PEX5L: variants seen among roughly 807,000 people sequenced by gnomAD.
PEX5L encodes peroxisomal biogenesis factor 5 like, also known as PEX5-related protein.
A neutral mutation model predicts 84.0 loss-of-function variants in PEX5L; 30 were observed. That is an observed-to-expected ratio of 0.36 (90% CI 0.27 to 0.48). The LOEUF is 0.48. Among genes scored for constraint, PEX5L ranks in the 20% least tolerant of loss-of-function variants. PEX5L has a pLI of 0.99. For synonymous variants in PEX5L, 270 were observed against 283.1 expected, an observed-to-expected ratio of 0.95 and a Z score of 0.46; for missense variants, 533 against 754.6, an observed-to-expected ratio of 0.71 and a Z score of 3.44.
intron 2 of PEX5L, among the ~76,000 whole-genome samples, chr3:179,903,661 T>C (rs1025010068): frequency 5.9e-5 from 9 of 152,212 alleles, no homozygotes; most frequent in Non-Finnish European, 1.0e-4. Flanking sequence ...TAATCTTCTT[T>C]CACTTGGCGA....
chr3:179,915,422 G>A (rs529014143), intron 2 of PEX5L, among the ~76,000 whole-genome samples: 4 of 152,126 alleles, frequency 2.6e-5, no homozygotes, highest in Non-Finnish European at 5.9e-5. Flanking sequence ...AACTTTAATC[G>A]AACATGCCTT....
chr3:179,802,550 A>AAAAAAAAAAAAAAAAAAAG (rs1553813985), intron 14 of PEX5L, among the ~76,000 whole-genome samples: 3 of 131,560 alleles, frequency 2.3e-5, no homozygotes, highest in African/African-American at 3.0e-5. Context: ...AAAAAAAAAA[A>AAAAAAAAAAAAAAAAAAAG]AAAAGAAAAG....
intron 1 of PEX5L, among the ~76,000 whole-genome samples, chr3:180,014,084 T>C (rs1032783467): frequency 6.6e-6 from 1 of 152,190 alleles, no homozygotes; most frequent in Admixed American, 6.5e-5. Context: ...TTGAAGAGTA[T>C]GAAAGCAGAA....
At chr3:180,015,907 A>C (rs950958679) in intron 1 of PEX5L, among the ~76,000 whole-genome samples, 1 of 131,698 alleles carries the variant, frequency 7.6e-6, no homozygotes, top group Non-Finnish European at 1.6e-5. Context: ...ATAATGTATA[A>C]TAAATAAACA....
rs1224690269 is a variant in PEX5L at position 179,800,951 on chromosome 3, T to C, written c.*877A>G. 1 of 152,584 alleles carries C rather than the reference T, an allele frequency of 6.6e-6. No homozygotes were observed. Among genetic ancestry groups the C allele is most frequent in the African/African-American group, 2.4e-5 (1 of 41,464 alleles). The allele number at this position is 152,584 out of a possible 1,614,324, so 9.5% of individuals were successfully genotyped here. The stretch of plus-strand genomic sequence containing the variant: ...GAGACAGTACCTTGTGTCTTACTTA[T>C]GTTCATACAGACCCAGAAAGCACGT... On this transcript the variant is annotated 3_prime_UTR_variant, in exon 15 of 15. Coordinates refer to ENST00000467460, the MANE Select transcript of PEX5L (RefSeq NM_016559.3).
intron 1 of PEX5L, among the ~76,000 whole-genome samples, chr3:179,976,748 G>GAATGGA (rs1335311784): frequency 1.3e-5 from 2 of 152,226 alleles, no homozygotes; most frequent in Admixed American, 1.3e-4. Context: ...AGGAAATCTT[G>GAATGGA]AATGGAAATG....
Position 179,799,847 on chromosome 3 carries a change from T to C in PEX5L, c.*1981A>G, listed in dbSNP as rs1718339161. 1 of 152,216 alleles carries C rather than the reference T, an allele frequency of 6.6e-6. No individual in the cohort carries two copies. The highest frequency in any genetic ancestry group is 1.5e-5 in the Non-Finnish European group (1 of 68,056). The allele number at this position is 152,216 out of a possible 1,614,324, so 9.4% of individuals were successfully genotyped here. ...ACAATACCATTCTTGAAAGCATTGTTGAGCTTTACTTTGCTGCTGAGACTG... is the reference window on the plus strand; with the variant it reads ...ACAATACCATTCTTGAAAGCATTGTCGAGCTTTACTTTGCTGCTGAGACTG... On this transcript the variant is annotated 3_prime_UTR_variant, in exon 15 of 15. Transcript: ENST00000467460.
chr3:179,821,942 T>G (rs141369498), intron 8 of PEX5L, among the ~76,000 whole-genome samples: 1 of 152,374 alleles, frequency 6.6e-6, no homozygotes, highest in Non-Finnish European at 1.5e-5. Flanking sequence ...ATGATGAGCA[T>G]ACTTTGCTTT....
Position 179,903,272 on chromosome 3 carries a change from GTGC to G in PEX5L, c.94-5029_94-5027del, listed in dbSNP as rs538693766. Among the ~76,000 whole-genome samples, 63 of 152,208 alleles carry G rather than the reference GTGC, an allele frequency of 4.1e-4. 1 individual carries two copies. In the South Asian group the frequency reaches 0.013, roughly 31 times the overall value. ...GTCTCGCTCTGTCACCCAGGCTGGA[GTGC>G]AGTGGTGTGATCTCGGTTCACTGCA... On this transcript the variant is annotated intron_variant, in intron 2 of 14. Coordinates refer to ENST00000467460, the MANE Select transcript of PEX5L (RefSeq NM_016559.3).
chr3:179,802,546 A>AG (rs1270262404), intron 14 of PEX5L, among the ~76,000 whole-genome samples: 5 of 120,296 alleles, frequency 4.2e-5, no homozygotes, highest in Non-Finnish European at 8.8e-5. Flanking sequence ...AAAAAAAAAA[A>AG]AAAAAAAAGA....
chr3:179,874,570 T>C, intron 6 of PEX5L, 147 bp from the exon 7 acceptor site: 1 of 535,846 alleles, frequency 1.9e-6, no homozygotes, highest in Non-Finnish European at 3.3e-6. Flanking sequence ...AAGTTTCATG[T>C]ATTTCTATTA....
chr3:179,940,100 T>C (rs1305309215), intron 2 of PEX5L, among the ~76,000 whole-genome samples: 1 of 152,142 alleles, frequency 6.6e-6, no homozygotes, highest in East Asian at 1.9e-4. Context: ...CTGGTTCTTG[T>C]TGGGTACTAG....
chr3:179,943,752 G>A (rs1776778693), intron 2 of PEX5L, among the ~76,000 whole-genome samples: 1 of 152,208 alleles, frequency 6.6e-6, no homozygotes, highest in Non-Finnish European at 1.5e-5. Context: ...TGAATTCTTA[G>A]ATGCTCAAGT....
chr3:179,989,780 G>T (rs1442989702), intron 1 of PEX5L, among the ~76,000 whole-genome samples: 1 of 152,044 alleles, frequency 6.6e-6, no homozygotes, highest in East Asian at 1.9e-4. Flanking sequence ...TCACCTAAAA[G>T]AATTACATAA....
Position 179,931,362 on chromosome 3 carries a change from G to A in PEX5L, c.94-33116C>T, listed in dbSNP as rs557513153. ...ATTTTTTTTGAAGGAGGAAACTGAG[G>A]ACCACAGAGGTGAAGTCAATTTCAT... On this transcript the variant is annotated intron_variant, in intron 2 of 14. Transcript: ENST00000467460. 1.7e-4 allele frequency among the ~76,000 whole-genome samples: 26 copies of A among 152,280 alleles called. No homozygotes were observed. The South Asian group carries it at 5.4e-3, about 32-fold the overall frequency.
chr3:179,981,440 C>T (rs1442051187), intron 1 of PEX5L, among the ~76,000 whole-genome samples: 3 of 152,126 alleles, frequency 2.0e-5, no homozygotes, highest in African/African-American at 7.2e-5. Context: ...AGCCTGGAGC[C>T]TGTTTAGACG....
intron 2 of PEX5L, among the ~76,000 whole-genome samples, chr3:179,908,656 C>T (rs1426820864): frequency 2.1e-5 from 3 of 145,686 alleles, no homozygotes; most frequent in Non-Finnish European, 3.0e-5. Context: ...GTGTGATATT[C>T]CCCTTCCTGT....
At chr3:180,013,038 G>A (rs1438868443) in intron 1 of PEX5L, among the ~76,000 whole-genome samples, 2 of 152,186 alleles carry the variant, frequency 1.3e-5, no homozygotes, top group Non-Finnish European at 2.9e-5. Flanking sequence ...TGAGCTTTCT[G>A]TAGTTTTGGT....
At chr3:180,001,312 C>T (rs1347143673) in intron 1 of PEX5L, among the ~76,000 whole-genome samples, 1 of 147,456 alleles carries the variant, frequency 6.8e-6, no homozygotes, top group Non-Finnish European at 1.5e-5. Flanking sequence ...AATAAACTCC[C>T]CTTTATATTC....
Sources: gnomAD v4.1 joint callset for allele counts (sites outside exome capture counted in the v4.1 genomes callset) on GRCh38, gnomAD v4.1.1 for gene constraint, MANE v1.5 for transcripts, NCBI Gene and HGNC (gene_info 2026-07-23, HGNC 2026-07-21) for gene names.